Variants in PCDHGB6 observed in about 807,000 individuals in gnomAD.
The protein encoded by PCDHGB6 is protocadherin gamma subfamily B, 6.
PCDHGB6 carries 51 observed loss-of-function variants against 59.1 expected under a neutral mutation model. The observed-to-expected ratio is 0.86, with a 90% CI of 0.69 to 1.09. PCDHGB6 has a LOEUF of 1.09. Ranked by LOEUF, PCDHGB6 falls within the 50% of genes least tolerant of loss-of-function variation. The pLI is 0.00. For synonymous variants in PCDHGB6, 466 were observed against 495.1 expected (o/e 0.94, Z 0.78); for missense variants, 1,148 against 1,205.1 (o/e 0.95, Z 0.70).
At position 141,511,397 on chromosome 5, in the gene PCDHGB6, C is replaced by A; in HGVS notation, c.*224C>A. ...AGCAGTTCCGCTGGGAACCCCCATC[C>A]AATCAACTGCTGTACCCATGGGGGT... On this transcript the variant is annotated 3_prime_UTR_variant, in exon 4 of 4. Coordinates refer to ENST00000520790, the MANE Select transcript of PCDHGB6 (RefSeq NM_018926.3). 1.0e-6 allele frequency: 1 copy of A among 1,002,376 alleles called. No individual in the cohort carries two copies. The highest frequency in any genetic ancestry group is 1.4e-6 in the Non-Finnish European group (1 of 705,546). 62.1% of individuals were successfully genotyped at this position (1,002,376 alleles called of 1,614,324 possible). A position where few individuals can be genotyped will look rare whatever the true frequency, so the allele number is the denominator to read the frequency against.
Position 141,409,742 on chromosome 5 carries a change from G to A in PCDHGB6, c.1540G>A (p.Val514Met), listed in dbSNP as rs763304955. The change falls in exon 1 of 4, where the codon GTG becomes ATG. Residue 514 changes from valine to methionine, a missense_variant. Physicochemically the swap from Val to Met is conservative, Grantham distance 21. This residue lies in a region of PCDHGB6 where 549 missense variants were observed against 527.5 expected (regional missense o/e 1.04). Coordinates refer to ENST00000520790, the MANE Select transcript of PCDHGB6 (RefSeq NM_018926.3). Reference sequence around the variant, plus strand: ...GTCAGTGAGCGCGCAGAGCGGGGTGGTGTTCGCGCAGCGCGCCTTTGATCA... The same window carrying A: ...GTCAGTGAGCGCGCAGAGCGGGGTGATGTTCGCGCAGCGCGCCTTTGATCA... ...YVSVSAQSGVVFAQRAFDHEQ... is the reference protein window; with the variant it reads ...YVSVSAQSGVMFAQRAFDHEQ... 4.3e-6 allele frequency: 7 copies of A among 1,612,986 alleles called. No individual in the cohort carries two copies. In the South Asian group the frequency reaches 5.5e-5, roughly 13 times the overall value.
chr5:141,477,890 C>A lies in PCDHGB6; in HGVS notation c.2419-16917C>A, dbSNP rs202114426. On this transcript the variant is annotated intron_variant, in intron 1 of 3. Transcript: ENST00000520790. This position sits in a 1 kb window ranked among gnomAD's most constrained non-coding sequence, Gnocchi z 4.9. ...TACCTCAGCTGGCCACCTAGTGTCA[C>A]GGGTGGTAGGCTGGGACGCGGATGC... is the stretch of plus-strand genomic sequence containing the variant. 3.1e-6 allele frequency: 5 copies of A among 1,614,204 alleles called. 1 individual carries two copies. In the Admixed American group the frequency reaches 8.3e-5, roughly 27 times the overall value.
chr5:141,480,112 C>T (rs531082602), intron 1 of PCDHGB6, among the ~76,000 whole-genome samples: 2 of 152,190 alleles, frequency 1.3e-5, no homozygotes, highest in Admixed American at 1.3e-4. Flanking sequence ...TAGCATGGTG[C>T]CTGGCATATC....
intron 1 of PCDHGB6, among the ~76,000 whole-genome samples, chr5:141,449,205 A>G (rs991001366): frequency 6.6e-6 from 1 of 152,164 alleles, no homozygotes; most frequent in Admixed American, 6.5e-5. Context: ...GTTAATTCTA[A>G]CTTTCTGTTT....
chr5:141,507,287 C>G (rs79707942), intron 3 of PCDHGB6: 1 of 148,974 alleles, frequency 6.7e-6, no homozygotes, highest in East Asian at 1.9e-4. Context: ...AAGTCAGTCT[C>G]AAATGTTGCA....
intron 2 of PCDHGB6, among the ~76,000 whole-genome samples, chr5:141,497,980 G>A (rs983045402): frequency 2.0e-5 from 3 of 152,168 alleles, no homozygotes; most frequent in African/African-American, 7.2e-5. Context: ...GATGTGGGAG[G>A]CCCCTGCCCT....
intron 1 of PCDHGB6, among the ~76,000 whole-genome samples, chr5:141,462,483 G>T (rs1402125086): frequency 2.0e-5 from 3 of 151,986 alleles, no homozygotes; most frequent in African/African-American, 7.3e-5. Context: ...TCTCGTGGTT[G>T]TTGTATCCTA....
Position 141,410,070 on chromosome 5 carries a change from C to A in PCDHGB6, c.1868C>A (p.Thr623Asn), listed in dbSNP as rs1368179504. Residue 623 changes from threonine to asparagine, a missense_variant, in exon 1 of 4, where the codon ACT becomes AAT. Around this residue, in one of 5 missense-constraint regions of PCDHGB6, gnomAD observed 549 missense variants for 527.5 expected, o/e 1.04. Transcript: ENST00000520790. ...EPGLFSLGLR[T>N]GEVRTARALG... ...GGACTCTTCAGCCTGGGGCTGCGCA[C>A]TGGGGAGGTGCGCACGGCTCGAGCC... 6.2e-7 allele frequency: 1 copy of A among 1,612,806 alleles called. No homozygotes were observed. The highest frequency in any genetic ancestry group is 1.3e-5 in the African/African-American group (1 of 74,938).
Position 141,476,696 on chromosome 5 carries a change from G to T in PCDHGB6, c.2419-18111G>T, listed in dbSNP as rs750429892. ...GACGCGGGAGGACAGCACCAAGTAC[G>T]CGGAGCTGGTGTTGGAGCGCGCCCT... On this transcript the variant is annotated intron_variant, in intron 1 of 3. Transcript: ENST00000520790. This position sits in a 1 kb window ranked among gnomAD's most constrained non-coding sequence, Gnocchi z 7.6. 3 of 1,614,102 alleles carry T rather than the reference G, an allele frequency of 1.9e-6. No individual in the cohort carries two copies. The highest frequency in any genetic ancestry group is 2.5e-6 in the Non-Finnish European group (3 of 1,180,050).
chr5:141,487,312 TAA>T lies in PCDHGB6; in HGVS notation c.2419-7494_2419-7493del, dbSNP rs1464336630. ...TTGGCTCATTCGTGGCACTACTCTC[TAA>T]GTGTCTTCGTGGGGCAGCCTGTGGA... On this transcript the variant is annotated intron_variant, in intron 1 of 3. Transcript: ENST00000520790. The surrounding 1 kb of genome is among the most constrained non-coding windows in gnomAD (Gnocchi z 5.0). 1 of 1,614,158 alleles carries T rather than the reference TAA, an allele frequency of 6.2e-7. No homozygotes were observed. Among genetic ancestry groups the T allele is most frequent in the African/African-American group, 1.3e-5 (1 of 75,056 alleles).
chr5:141,461,228 A>C (rs1472527415), intron 1 of PCDHGB6, among the ~76,000 whole-genome samples: 1 of 151,976 alleles, frequency 6.6e-6, no homozygotes, highest in Non-Finnish European at 1.5e-5. Flanking sequence ...TTTTCCATAG[A>C]GGTTGTACTA....
intron 1 of PCDHGB6, among the ~76,000 whole-genome samples, chr5:141,443,771 A>G (rs1031470429): frequency 9.2e-5 from 14 of 152,238 alleles, no homozygotes; most frequent in African/African-American, 3.1e-4. Context: ...ATACAATATT[A>G]CCAAAAAGAC....
At position 141,473,122 on chromosome 5, in the gene PCDHGB6, T is replaced by C. The variant is rs533113606; in HGVS notation, c.2419-21685T>C. On this transcript the variant is annotated intron_variant, in intron 1 of 3. Coordinates refer to ENST00000520790, the MANE Select transcript of PCDHGB6 (RefSeq NM_018926.3). ...TATTACCACACTTTACTTGGCTCTT[T>C]GGCAAACTATATTATCTCTTCAGAT... Among the ~76,000 whole-genome samples, 3 of 152,362 alleles carry C rather than the reference T, an allele frequency of 2.0e-5. No homozygotes were observed. In the East Asian group the frequency reaches 5.8e-4, roughly 29 times the overall value.
intron 1 of PCDHGB6, chr5:141,415,652 A>AG: frequency 6.3e-7 from 1 of 1,590,778 alleles, no homozygotes; most frequent in African/African-American, 1.4e-5. Flanking sequence ...AAAAAAAAAA[A>AG]GATTGGTTTT....
intron 1 of PCDHGB6, chr5:141,411,432 AC>A (rs1483186233): frequency 6.6e-6 from 1 of 151,012 alleles, no homozygotes; most frequent in African/African-American, 2.4e-5. Context: ...ACAAAAAAAA[AC>A]ATTAGCAGAG....
rs115990854 is a variant in PCDHGB6 at position 141,433,033 on chromosome 5, C to T, written c.2418+22413C>T. On this transcript the variant is annotated intron_variant, in intron 1 of 3. Coordinates refer to ENST00000520790, the MANE Select transcript of PCDHGB6 (RefSeq NM_018926.3). ...TGCAGACCTATTCCCACGAGGTTTC[C>T]CTCACCACGGACTCGCGGAAGAGTC... The T allele has an allele frequency of 6.4e-3, 10,342 of 1,614,162 alleles. 43 individuals are homozygous for T. The highest frequency in any genetic ancestry group is 8.6e-3 in the Middle Eastern group (52 of 6,062).
rs11953770 is a variant in PCDHGB6 at position 141,510,741 on chromosome 5, C to T, written c.2567-206C>T. On this transcript the variant is annotated intron_variant, in intron 3 of 3. Coordinates refer to ENST00000520790, the MANE Select transcript of PCDHGB6 (RefSeq NM_018926.3). ...TAAGGAAAGGAGCTAGGAATCAAACCTAGACTTTCTCACTCCAGAGCCTCT... is the reference window on the plus strand; with the variant it reads ...TAAGGAAAGGAGCTAGGAATCAAACTTAGACTTTCTCACTCCAGAGCCTCT... Among the ~76,000 whole-genome samples the T allele has an allele frequency of 2.6e-5, 4 of 152,138 alleles. No homozygotes were observed. In the South Asian group the frequency reaches 8.3e-4, roughly 32 times the overall value.
At chr5:141,464,251 C>G (rs1438610569) in intron 1 of PCDHGB6, among the ~76,000 whole-genome samples, 1 of 141,396 alleles carries the variant, frequency 7.1e-6, no homozygotes, top group African/African-American at 2.7e-5. Context: ...GGCTACAGAG[C>G]GAGACTCCGT....
At chr5:141,427,411 A>C (rs1256606726) in intron 1 of PCDHGB6, 2 of 464,124 alleles carry the variant, frequency 4.3e-6, no homozygotes, top group Admixed American at 2.3e-5. Flanking sequence ...GATTCGAGAG[A>C]AAATGGGGAG....
Sources: allele counts gnomAD v4.1 joint callset (sites outside exome capture counted in the v4.1 genomes callset), GRCh38; gene constraint gnomAD v4.1.1; regional missense constraint gnomAD v4.1.1; non-coding constraint Gnocchi (gnomAD v3.1); transcripts MANE v1.5; gene names NCBI Gene and HGNC (gene_info 2026-07-23, HGNC 2026-07-21).